Variants in STK24 observed in about 807,000 individuals in gnomAD.
STK24 encodes the protein serine/threonine-protein kinase 24.
In STK24, 21 loss-of-function variants were observed where a neutral mutation model predicts 55.6. That is an observed-to-expected ratio of 0.38 (90% CI 0.27 to 0.54). The LOEUF (loss-of-function observed/expected upper bound fraction) is 0.54, where lower values mean the gene tolerates loss of function less well. Ranked by LOEUF, STK24 falls within the 20% of genes least tolerant of loss-of-function variation. The pLI, the probability that STK24 is intolerant of heterozygous loss-of-function variation, is 0.79. For missense variants in STK24, 383 were observed against 538.4 expected (o/e 0.71, Z 2.86); for synonymous variants, 200 against 215.2 (o/e 0.93, Z 0.62).
intron 3 of STK24, among the ~76,000 whole-genome samples, chr13:98,478,549 C>T (rs538828631): frequency 1.4e-4 from 22 of 152,214 alleles, no homozygotes; most frequent in African/African-American, 2.4e-4. Context: ...CAGACCGTGA[C>T]GGTATGGACC....
intron 2 of STK24, among the ~76,000 whole-genome samples, chr13:98,516,113 C>A (rs1277963957): frequency 6.6e-6 from 1 of 152,230 alleles, no homozygotes; most frequent in Non-Finnish European, 1.5e-5. Flanking sequence ...AATTTCATGA[C>A]ACTCCATTAC....
chr13:98,547,159 G>A (rs1276119882), intron 1 of STK24, among the ~76,000 whole-genome samples: 2 of 152,128 alleles, frequency 1.3e-5, no homozygotes, highest in Non-Finnish European at 2.9e-5. Context: ...TGATCCACCC[G>A]CCTCGGCCTC....
In STK24 at chr13:98,474,804, C is replaced by T. The variant is rs1409954536; in HGVS notation, c.597+17G>A. On this transcript the variant is annotated intron_variant, in intron 5 of 10. Transcript: ENST00000539966. ...CAGGCCTCGTGAGGCACGGCGCCGC[C>T]CTCACCCTCCCCTCACCTTCGAGTC... 2 of 1,601,504 alleles carry T rather than the reference C, an allele frequency of 1.2e-6. No homozygotes were observed. The highest frequency in any genetic ancestry group is 1.7e-6 in the Non-Finnish European group (2 of 1,174,122).
intron 5 of STK24, among the ~76,000 whole-genome samples, chr13:98,472,085 A>C (rs1334723989): frequency 8.5e-5 from 13 of 152,194 alleles, no homozygotes; most frequent in Non-Finnish European, 1.2e-4. Context: ...GGACACACAC[A>C]GGGCAGCCAG....
chr13:98,491,595 A>G (rs1022008167), intron 2 of STK24, among the ~76,000 whole-genome samples: 1 of 152,186 alleles, frequency 6.6e-6, no homozygotes, highest in Non-Finnish European at 1.5e-5. Flanking sequence ...TTAGCTACAA[A>G]TAATACTGGA....
Position 98,453,035 on chromosome 13 carries a change from A to ACGGG in STK24, c.*134_*137dup, listed in dbSNP as rs766437700. The stretch of plus-strand genomic sequence containing the variant: ...CAGTGAAGACTGTGTGTGTCCCTGG[A>ACGGG]CGGGCGCCTGGCGCTGGGGTGGCTC... On this transcript the variant is annotated 3_prime_UTR_variant, in exon 11 of 11. Transcript: ENST00000539966. 934 of 887,000 alleles carry ACGGG rather than the reference A, an allele frequency of 1.1e-3. 2 individuals carry two copies. Among genetic ancestry groups the ACGGG allele is most frequent in the Non-Finnish European group, 9.3e-4 (534 of 571,930 alleles). The allele number at this position is 887,000 out of a possible 1,614,324, so 54.9% of individuals were successfully genotyped here.
At chr13:98,532,838 T>C (rs565204435) in intron 1 of STK24, among the ~76,000 whole-genome samples, 3 of 152,378 alleles carry the variant, frequency 2.0e-5, no homozygotes, top group South Asian at 2.1e-4. Context: ...CATGAACAGA[T>C]AATTTACTTC....
At position 98,448,471 on chromosome 13, in the gene STK24, C is replaced by T; in HGVS notation, c.*4702G>A. 1.6e-6 allele frequency: 1 copy of T among 635,014 alleles called. No homozygotes were observed. Among genetic ancestry groups the T allele is most frequent in the East Asian group, 2.8e-5 (1 of 35,986 alleles). The allele number at this position is 635,014 out of a possible 1,614,324, so 39.3% of individuals were successfully genotyped here. ...TGTCTCCACAGCCGCGTTTTTTAAC[C>T]CCGACCTCTCAGCGTCTGAATGAAC... On this transcript the variant is annotated 3_prime_UTR_variant, in exon 11 of 11. Coordinates refer to ENST00000539966, the MANE Select transcript of STK24 (RefSeq NM_001032296.4).
intron 2 of STK24, among the ~76,000 whole-genome samples, chr13:98,499,618 G>A (rs1895373176): frequency 6.6e-6 from 1 of 151,682 alleles, no homozygotes; most frequent in African/African-American, 2.4e-5. Flanking sequence ...GAGGGGGCAG[G>A]CCAGGTGCAG....
At chr13:98,549,327 T>G (rs1213787762) in intron 1 of STK24, among the ~76,000 whole-genome samples, 1 of 152,204 alleles carries the variant, frequency 6.6e-6, no homozygotes, top group Non-Finnish European at 1.5e-5. Context: ...CCATTCCTCA[T>G]GGATGGCACC....
intron 3 of STK24, among the ~76,000 whole-genome samples, chr13:98,478,751 T>C (rs1042259789): frequency 3.2e-4 from 48 of 152,246 alleles, no homozygotes; most frequent in Admixed American, 6.5e-5. Flanking sequence ...CTGGTTTATG[T>C]AGCATTGTCC....
intron 1 of STK24, chr13:98,542,878 C>A (rs562216154): frequency 2.0e-6 from 2 of 985,440 alleles, no homozygotes; most frequent in South Asian, 9.4e-5. Flanking sequence ...GAAATCTAGA[C>A]CCCCTCATTT....
At chr13:98,524,010 G>C (rs534598834) in intron 1 of STK24, among the ~76,000 whole-genome samples, 1 of 152,090 alleles carries the variant, frequency 6.6e-6, no homozygotes, top group Admixed American at 6.6e-5. Context: ...TTGTTGAGCT[G>C]AGGCTCTCTG....
intron 5 of STK24, among the ~76,000 whole-genome samples, chr13:98,472,605 C>T (rs916971388): frequency 6.6e-6 from 1 of 152,152 alleles, no homozygotes; most frequent in Non-Finnish European, 1.5e-5. Context: ...TTGCTCAGTA[C>T]AAATTTGTGA....
rs573016540 is a variant in STK24, at chr13:98,524,244, G to A, written c.43-4771C>T. Among the ~76,000 whole-genome samples, 13 of 151,810 alleles carry A rather than the reference G, an allele frequency of 8.6e-5. No individual in the cohort carries two copies. The South Asian group carries it at 1.7e-3, about 20-fold the overall frequency. On this transcript the variant is annotated intron_variant, in intron 1 of 10. Transcript: ENST00000539966. ...CCTTGTGTCTACACCCCCACCCCCCGAGACTTTGCCTGCTGCTCCCATAAG... is the reference window on the plus strand; with the variant it reads ...CCTTGTGTCTACACCCCCACCCCCCAAGACTTTGCCTGCTGCTCCCATAAG...
intron 8 of STK24, 103 bp from the exon 9 acceptor site, chr13:98,460,543 TC>T: frequency 1.1e-6 from 1 of 918,472 alleles, no homozygotes; most frequent in Non-Finnish European, 1.7e-6. Flanking sequence ...AGGAGTTGCC[TC>T]TACACTTCAC....
intron 1 of STK24, chr13:98,553,329 T>C (rs1358078727): frequency 6.6e-6 from 1 of 152,178 alleles, no homozygotes; most frequent in Non-Finnish European, 1.5e-5. Context: ...CAAGCAGCAG[T>C]GCCCAGAGGC....
chr13:98,548,273 A>T (rs1897076304), intron 1 of STK24, among the ~76,000 whole-genome samples: 1 of 152,234 alleles, frequency 6.6e-6, no homozygotes, highest in South Asian at 2.1e-4. Flanking sequence ...GGGCAAAAAC[A>T]AAGTTTTTTT....
intron 2 of STK24, among the ~76,000 whole-genome samples, chr13:98,497,205 C>T (rs1009486410): frequency 6.6e-6 from 1 of 152,134 alleles, no homozygotes; most frequent in Non-Finnish European, 1.5e-5. Flanking sequence ...CTCAAAGCCA[C>T]CCTCCCTGTG....
Sources: gnomAD v4.1 joint callset for allele counts (sites outside exome capture counted in the v4.1 genomes callset) on GRCh38, gnomAD v4.1.1 for gene constraint, MANE v1.5 for transcripts, NCBI Gene and HGNC (gene_info 2026-07-23, HGNC 2026-07-21) for gene names.